The following MED13L variants were observed in gnomAD, a reference collection of about 807,000 sequenced individuals.
MED13L encodes the protein mediator of RNA polymerase II transcription subunit 13-like.
A neutral mutation model predicts 220.9 loss-of-function variants in MED13L; 7 were observed. That is an observed-to-expected ratio of 0.03 (90% CI 0.02 to 0.06). The LOEUF is 0.06. Among genes scored for constraint, MED13L ranks in the 10% least tolerant of loss-of-function variants. The probability of loss-of-function intolerance (pLI) is 1.00; values close to 1 mark genes in which losing one functional copy is unlikely to be tolerated. For synonymous variants in MED13L, 1,011 were observed against 1,015.2 expected (o/e 1.00, Z 0.08); for missense variants, 1,965 against 2,760.5 (o/e 0.71, Z 6.46).
chr12:116,214,473 C>A (rs1321099652), intron 2 of MED13L, among the ~76,000 whole-genome samples: 1 of 151,846 alleles, frequency 6.6e-6, no homozygotes, highest in East Asian at 1.9e-4. Context: ...AAGGCTGAAT[C>A]GAATATTTTC....
chr12:116,141,387 A>G (rs1593092175), intron 2 of MED13L, among the ~76,000 whole-genome samples: 1 of 152,226 alleles, frequency 6.6e-6, no homozygotes, highest in African/African-American at 2.4e-5. Context: ...ATAGGGTTAC[A>G]CAGATAGCTT....
chr12:116,071,555 T>G (rs1415764225), intron 4 of MED13L, among the ~76,000 whole-genome samples: 3 of 152,172 alleles, frequency 2.0e-5, no homozygotes, highest in African/African-American at 7.2e-5. Flanking sequence ...GCCTCTCGAG[T>G]AGCTGGGACT....
intron 1 of MED13L, among the ~76,000 whole-genome samples, chr12:116,252,813 G>A (rs549358143): frequency 1.6e-4 from 24 of 152,174 alleles, no homozygotes; most frequent in Admixed American, 1.0e-3. Flanking sequence ...GGAAAAAAAA[G>A]GGGAGGCATT....
At chr12:116,245,036 T>C (rs979337288) in intron 1 of MED13L, among the ~76,000 whole-genome samples, 10 of 152,198 alleles carry the variant, frequency 6.6e-5, no homozygotes, top group African/African-American at 2.2e-4. Flanking sequence ...GCTGAACTAC[T>C]GTCCCTTCTT....
intron 2 of MED13L, among the ~76,000 whole-genome samples, chr12:116,128,762 GA>G (rs1411855715): frequency 6.6e-6 from 1 of 152,130 alleles, no homozygotes; most frequent in Non-Finnish European, 1.5e-5. Flanking sequence ...CACAGTTATG[GA>G]GTGATATTAA....
chr12:116,151,066 A>T (rs1002449822), intron 2 of MED13L, among the ~76,000 whole-genome samples: 2 of 152,184 alleles, frequency 1.3e-5, no homozygotes, highest in African/African-American at 4.8e-5. Context: ...TATTGTTAAA[A>T]AATGGGAAAA....
chr12:116,024,730 C>G (rs1880264757), intron 4 of MED13L, among the ~76,000 whole-genome samples: 2 of 119,270 alleles, frequency 1.7e-5, no homozygotes, highest in African/African-American at 6.6e-5. Context: ...AAGGATTTCT[C>G]CTATGGTTTC....
intron 1 of MED13L, among the ~76,000 whole-genome samples, chr12:116,265,605 G>A (rs993511617): frequency 7.9e-5 from 12 of 152,246 alleles, no homozygotes; most frequent in East Asian, 1.9e-4. Flanking sequence ...AGCATTTTGC[G>A]TAATATAGCA....
chr12:116,060,126 G>A (rs1869316095), intron 4 of MED13L, among the ~76,000 whole-genome samples: 1 of 152,078 alleles, frequency 6.6e-6, no homozygotes, highest in Non-Finnish European at 1.5e-5. Flanking sequence ...ATTGCTCCTG[G>A]AGGGATCACA....
intron 3 of MED13L, among the ~76,000 whole-genome samples, chr12:116,109,081 TTTTTTTG>T (rs1339965773): frequency 1.1e-3 from 92 of 80,062 alleles, no homozygotes; most frequent in Non-Finnish European, 1.4e-3. Context: ...TTTTTTTTTT[TTTTTTTG>T]GAAACAGGGT....
chr12:116,114,508 C>CAA (rs1349891916), intron 2 of MED13L, among the ~76,000 whole-genome samples: 1 of 151,798 alleles, frequency 6.6e-6, no homozygotes, highest in East Asian at 1.9e-4. Context: ...CAAACAACAA[C>CAA]AAAAAAAACT....
At chr12:116,029,420 T>A (rs1442598989) in intron 4 of MED13L, among the ~76,000 whole-genome samples, 1 of 151,902 alleles carries the variant, frequency 6.6e-6, no homozygotes, top group Non-Finnish European at 1.5e-5. Context: ...ACTGTGCAAA[T>A]GAAAAAAACT....
chr12:116,026,994 GA>G lies in MED13L; in HGVS notation c.480-4394del, dbSNP rs544921137. ...AACAAGGACTATTATGAGAAAAAAG[GA>G]AAAAGGTACAAAACAATATGAGTAA... On this transcript the variant is annotated intron_variant, in intron 4 of 30. Transcript: ENST00000281928. Among the ~76,000 whole-genome samples the G allele has an allele frequency of 7.9e-5, 12 of 152,178 alleles. No individual in the cohort carries two copies. In the South Asian group the frequency reaches 1.7e-3, roughly 21 times the overall value.
At chr12:116,211,663 C>CA (rs988404763) in intron 2 of MED13L, among the ~76,000 whole-genome samples, 20 of 151,540 alleles carry the variant, frequency 1.3e-4, no homozygotes, top group East Asian at 7.7e-4. Flanking sequence ...CGTTAAGTGA[C>CA]AAAAAAAACA....
intron 2 of MED13L, among the ~76,000 whole-genome samples, chr12:116,219,024 C>T (rs1883163891): frequency 6.6e-6 from 1 of 152,206 alleles, no homozygotes; most frequent in Admixed American, 6.5e-5. Flanking sequence ...GTGTGAGCCA[C>T]CACACCCAGC....
At chr12:115,962,796 A>G (rs1875859000) in intron 30 of MED13L, 1 of 160,162 alleles carries the variant, frequency 6.2e-6, no homozygotes, top group Non-Finnish European at 1.4e-5. Flanking sequence ...AGGCTGAGGC[A>G]GGCAGATCAT....
intron 11 of MED13L, 50 bp from the exon 12 acceptor site, chr12:116,006,461 G>A: frequency 7.1e-7 from 1 of 1,400,708 alleles, no homozygotes; most frequent in African/African-American, 1.4e-5. Flanking sequence ...AACCCAAAGT[G>A]TGAAATATGA....
chr12:116,097,839 C>T (rs1388070712), intron 3 of MED13L, among the ~76,000 whole-genome samples: 2 of 152,218 alleles, frequency 1.3e-5, no homozygotes, highest in South Asian at 4.1e-4. Context: ...CTGACAACAA[C>T]ACAGAGTTAT....
chr12:116,233,261 A>T (rs879667735), intron 2 of MED13L, among the ~76,000 whole-genome samples: 4 of 152,204 alleles, frequency 2.6e-5, no homozygotes, highest in African/African-American at 7.2e-5. Flanking sequence ...ATTATAGTAT[A>T]TAATCATTAG....
Sources: gnomAD v4.1 joint callset for allele counts (sites outside exome capture counted in the v4.1 genomes callset) on GRCh38, gnomAD v4.1.1 for gene constraint, MANE v1.5 for transcripts, NCBI Gene and HGNC (gene_info 2026-07-23, HGNC 2026-07-21) for gene names.